The following RGL1 variants were observed in gnomAD, a reference collection of about 807,000 sequenced individuals.
RGL1 encodes ral guanine nucleotide dissociation stimulator like 1, also known as ral guanine nucleotide dissociation stimulator-like 1.
A neutral mutation model predicts 95.2 loss-of-function variants in RGL1; 24 were observed. The observed-to-expected ratio is 0.25, with a 90% CI of 0.18 to 0.35. RGL1 has a LOEUF of 0.35. Ranked by LOEUF, RGL1 falls within the 10% of genes least tolerant of loss-of-function variation. The probability of loss-of-function intolerance (pLI) is 1.00; values close to 1 mark genes in which losing one functional copy is unlikely to be tolerated. For missense variants in RGL1, 715 were observed against 936.3 expected (o/e 0.76, Z 3.08); for synonymous variants, 329 against 344.9 (o/e 0.95, Z 0.51).
intron 1 of RGL1, among the ~76,000 whole-genome samples, chr1:183,682,860 G>T (rs1049690248): frequency 2.6e-5 from 4 of 152,006 alleles, no homozygotes; most frequent in African/African-American, 9.7e-5. Context: ...TCTTGTATTG[G>T]GTGCGTATAT....
rs190827066 is a variant in RGL1 at position 183,877,461 on chromosome 1, C to T, written c.426-3155C>T. 1.8e-3 allele frequency among the ~76,000 whole-genome samples: 273 copies of T among 152,312 alleles called. 4 individuals carry two copies. In the South Asian group the frequency reaches 0.028, roughly 15 times the overall value. ...TATCTGCTTCTAAATCTATCAAGAA[C>T]GGAAAGTTTCTTCCCAGGACTGGCA... On this transcript the variant is annotated intron_variant, in intron 4 of 17. Coordinates refer to ENST00000360851, the MANE Select transcript of RGL1 (RefSeq NM_001297671.3).
At chr1:183,772,131 A>C (rs547524441) in intron 2 of RGL1, among the ~76,000 whole-genome samples, 1 of 152,240 alleles carries the variant, frequency 6.6e-6, no homozygotes, top group Non-Finnish European at 1.5e-5. Context: ...AAAACTTTGC[A>C]CTTATTCTCC....
intron 1 of RGL1, among the ~76,000 whole-genome samples, chr1:183,739,622 G>A (rs1477049670): frequency 6.6e-6 from 1 of 152,218 alleles, no homozygotes; most frequent in Non-Finnish European, 1.5e-5. Flanking sequence ...TAAGTGCGGA[G>A]ATACACTGAG....
intron 2 of RGL1, among the ~76,000 whole-genome samples, chr1:183,829,286 A>T (rs1449751803): frequency 1.3e-5 from 2 of 151,924 alleles, no homozygotes; most frequent in African/African-American, 4.8e-5. Flanking sequence ...TGAAAAAAAT[A>T]AAAAAATTAG....
intron 2 of RGL1, among the ~76,000 whole-genome samples, chr1:183,841,531 C>T (rs1056861872): frequency 2.0e-5 from 3 of 152,154 alleles, no homozygotes; most frequent in African/African-American, 7.2e-5. Context: ...ACCTTTGCAC[C>T]AACCTAATAA....
upstream of RGL1, among the ~76,000 whole-genome samples, chr1:183,801,242 CT>C (rs1660975508): frequency 6.6e-6 from 1 of 151,244 alleles, no homozygotes; most frequent in Non-Finnish European, 1.5e-5. Flanking sequence ...GTGCATTTTC[CT>C]GATGATTAGT....
chr1:183,837,923 G>A (rs960744698), intron 2 of RGL1, among the ~76,000 whole-genome samples: 21 of 152,136 alleles, frequency 1.4e-4, no homozygotes, highest in Non-Finnish European at 2.5e-4. Context: ...ATCTAATGTC[G>A]CCGCTGATCT....
intron 12 of RGL1, among the ~76,000 whole-genome samples, chr1:183,903,297 CT>C (rs1341888444): frequency 1.3e-5 from 2 of 152,128 alleles, no homozygotes; most frequent in African/African-American, 2.4e-5. Context: ...GGTAGTTATT[CT>C]TTCCCTTTCG....
At chr1:183,656,122 T>TTTTTTC (rs1322810684) in intron 1 of RGL1, among the ~76,000 whole-genome samples, 1 of 151,780 alleles carries the variant, frequency 6.6e-6, no homozygotes, top group African/African-American at 2.4e-5. Context: ...TCTTTTTTTT[T>TTTTTTC]TCTCATGAAA....
At chr1:183,811,597 C>T (rs1661716359) in intron 2 of RGL1, among the ~76,000 whole-genome samples, 1 of 152,148 alleles carries the variant, frequency 6.6e-6, no homozygotes, top group South Asian at 2.1e-4. Context: ...AATTATTAAT[C>T]CACTGATAGG....
intron 2 of RGL1, among the ~76,000 whole-genome samples, chr1:183,815,448 T>C (rs966668865): frequency 6.6e-6 from 1 of 152,174 alleles, no homozygotes; most frequent in Non-Finnish European, 1.5e-5. Context: ...ACAATAAACA[T>C]GTCTGTTTTA....
chr1:183,679,318 G>A (rs1442071892), intron 1 of RGL1, among the ~76,000 whole-genome samples: 5 of 151,888 alleles, frequency 3.3e-5, no homozygotes, highest in South Asian at 2.1e-4. Flanking sequence ...TACATGTGCC[G>A]TGGTGGTTTC....
intron 2 of RGL1, among the ~76,000 whole-genome samples, chr1:183,813,159 G>A (rs1053267437): frequency 6.6e-6 from 1 of 152,118 alleles, no homozygotes; most frequent in Non-Finnish European, 1.5e-5. Context: ...AAGCTGTGGC[G>A]GCAGAGTGGA....
At chr1:183,682,014 T>C (rs759637241) in intron 1 of RGL1, among the ~76,000 whole-genome samples, 16 of 152,200 alleles carry the variant, frequency 1.1e-4, no homozygotes, top group Admixed American at 3.3e-4. Flanking sequence ...AGTGGTGATA[T>C]CCCCTTTATC....
Position 183,907,112 on chromosome 1 carries a change from C to T in RGL1, c.1562+11C>T, listed in dbSNP as rs1458807538. On this transcript the variant is annotated intron_variant, in intron 14 of 17. Transcript: ENST00000360851. Reference sequence around the variant, plus strand: ...GAAGAGACTCAGCCTGTGAGTGTCCCCTGGGGGTTCTGGGGCTCCAAGAGG... The same window carrying T: ...GAAGAGACTCAGCCTGTGAGTGTCCTCTGGGGGTTCTGGGGCTCCAAGAGG... 6.4e-7 allele frequency: 1 copy of T among 1,562,414 alleles called. No individual in the cohort carries two copies. Among genetic ancestry groups the T allele is most frequent in the Non-Finnish European group, 8.8e-7 (1 of 1,136,076 alleles).
At chr1:183,683,131 A>C (rs1653337972) in intron 1 of RGL1, among the ~76,000 whole-genome samples, 2 of 152,072 alleles carry the variant, frequency 1.3e-5, no homozygotes, top group African/African-American at 4.8e-5. Flanking sequence ...CCAATTTGCC[A>C]GTCTGTGTCT....
chr1:183,687,300 T>G (rs766984000), intron 1 of RGL1, among the ~76,000 whole-genome samples: 1 of 152,244 alleles, frequency 6.6e-6, no homozygotes, highest in Non-Finnish European at 1.5e-5. Context: ...AGAACACTGC[T>G]GGCAGGTAGG....
At chr1:183,748,146 G>T (rs2102274185) in intron 2 of RGL1, among the ~76,000 whole-genome samples, 1 of 152,206 alleles carries the variant, frequency 6.6e-6, no homozygotes, top group East Asian at 1.9e-4. Flanking sequence ...ATGGTAGTTT[G>T]TATTTCTGTG....
intron 2 of RGL1, among the ~76,000 whole-genome samples, chr1:183,742,752 G>GGA (rs142649027): frequency 4.0e-5 from 6 of 150,274 alleles, no homozygotes; most frequent in Admixed American, 1.3e-4. Flanking sequence ...GAGGGGACGG[G>GGA]GAGAGAGAGA....
Sources: gnomAD v4.1 joint callset for allele counts (sites outside exome capture counted in the v4.1 genomes callset) on GRCh38, gnomAD v4.1.1 for gene constraint, MANE v1.5 for transcripts, NCBI Gene and HGNC (gene_info 2026-07-23, HGNC 2026-07-21) for gene names.